The following SLC24A2 variants were observed in gnomAD, a reference collection of about 807,000 sequenced individuals.
The protein encoded by SLC24A2 is sodium/potassium/calcium exchanger 2.
A neutral mutation model predicts 62.0 loss-of-function variants in SLC24A2; 36 were observed. That is an observed-to-expected ratio of 0.58 (90% CI 0.44 to 0.77). SLC24A2 has a LOEUF of 0.77. SLC24A2 is among the 30% of genes least tolerant of loss of function. SLC24A2 has a pLI of 0.00. For synonymous variants in SLC24A2, 358 were observed against 294.0 expected, an observed-to-expected ratio of 1.22 and a Z score of -2.23; for missense variants, 846 against 817.9, an observed-to-expected ratio of 1.03 and a Z score of -0.42.
intron 2 of SLC24A2, among the ~76,000 whole-genome samples, chr9:19,648,308 A>G (rs1173543086): frequency 6.6e-6 from 1 of 152,234 alleles, no homozygotes; most frequent in Non-Finnish European, 1.5e-5. Flanking sequence ...AGAATAATAC[A>G]GTTCAAAAAG....
At chr9:19,835,638 T>C in the SLC24A2 span, among the ~76,000 whole-genome samples, 3 of 151,960 alleles carry the variant, frequency 2.0e-5, no homozygotes, top group Admixed American at 2.0e-4. Context: ...GAGACTTTAA[T>C]ACCCCACTGT....
chr9:20,269,111 T>C, the SLC24A2 span, among the ~76,000 whole-genome samples: 1 of 152,206 alleles, frequency 6.6e-6, no homozygotes, highest in African/African-American at 2.4e-5. Flanking sequence ...GGGGAGTTAC[T>C]TGTTTTTTGC....
rs543915925 is a variant in SLC24A2, at chr9:19,760,674, T to C, written c.930+25263A>G. The stretch of plus-strand genomic sequence containing the variant: ...AAATGATGGTTTCCAGCGTCATCTA[T>C]GTCCCTGCAAAGGACATTAAGTCAG... On this transcript the variant is annotated intron_variant, in intron 2 of 10. Coordinates refer to ENST00000341998, the MANE Select transcript of SLC24A2 (RefSeq NM_020344.4). Among the ~76,000 whole-genome samples the C allele has an allele frequency of 3.5e-4, 54 of 152,262 alleles. 1 individual carries two copies. In the South Asian group the frequency reaches 0.01, roughly 29 times the overall value.
the SLC24A2 span, among the ~76,000 whole-genome samples, chr9:20,277,061 C>A: frequency 6.6e-6 from 1 of 152,210 alleles, no homozygotes; most frequent in South Asian, 2.1e-4. Flanking sequence ...CATGTGGCTC[C>A]TCATTACCTT....
chr9:20,187,142 G>A, the SLC24A2 span, among the ~76,000 whole-genome samples: 2 of 152,126 alleles, frequency 1.3e-5, no homozygotes, highest in Non-Finnish European at 1.5e-5. Context: ...ATGCACCCAG[G>A]CTTATTTCCA....
chr9:20,262,808 C>T, the SLC24A2 span, among the ~76,000 whole-genome samples: 4 of 152,188 alleles, frequency 2.6e-5, no homozygotes, highest in Admixed American at 2.0e-4. Context: ...CCCCTCGTCA[C>T]GCCCTCCTAG....
the SLC24A2 span, among the ~76,000 whole-genome samples, chr9:20,272,867 G>A: frequency 6.6e-6 from 1 of 152,102 alleles, no homozygotes; most frequent in East Asian, 1.9e-4. Flanking sequence ...CAGCACTAGG[G>A]GATTCCCCAA....
chr9:20,291,038 CA>C, the SLC24A2 span, among the ~76,000 whole-genome samples: 3 of 152,186 alleles, frequency 2.0e-5, no homozygotes, highest in African/African-American at 7.2e-5. Context: ...CCCTCTTGAC[CA>C]GGGGTCCTTG....
rs1301664323 is a variant in SLC24A2 at position 19,514,846 on chromosome 9, C to T, written c.*1307G>A. On this transcript the variant is annotated 3_prime_UTR_variant, in exon 11 of 11. Coordinates refer to ENST00000341998, the MANE Select transcript of SLC24A2 (RefSeq NM_020344.4). ...CTGGGGTGCACTGAGTGTGCAAATG[C>T]CTTTCCAAGCATCGCTAAGTTGCCT... is the stretch of plus-strand genomic sequence containing the variant. The T allele has an allele frequency of 6.6e-6, 1 of 152,214 alleles. No individual in the cohort carries two copies. Among genetic ancestry groups the T allele is most frequent in the Non-Finnish European group, 1.5e-5 (1 of 68,054 alleles). 9.4% of individuals were successfully genotyped at this position (152,214 alleles called of 1,614,324 possible). A position where few individuals can be genotyped will look rare whatever the true frequency, so the allele number is the denominator to read the frequency against.
the SLC24A2 span, among the ~76,000 whole-genome samples, chr9:20,112,144 G>T: frequency 2.0e-5 from 3 of 152,076 alleles, no homozygotes; most frequent in African/African-American, 4.8e-5. Context: ...TATTCATATT[G>T]ATTTTTCTAT....
At chr9:20,302,215 C>A in the SLC24A2 span, among the ~76,000 whole-genome samples, 1 of 152,156 alleles carries the variant, frequency 6.6e-6, no homozygotes, top group African/African-American at 2.4e-5. Context: ...GGTTTTTGTA[C>A]AATTTTCAGC....
chr9:19,651,621 C>T (rs1339134320), intron 2 of SLC24A2, among the ~76,000 whole-genome samples: 2 of 152,240 alleles, frequency 1.3e-5, no homozygotes, highest in Admixed American at 1.3e-4. Context: ...CTATGGGAAG[C>T]AAACTTTCAC....
the SLC24A2 span, among the ~76,000 whole-genome samples, chr9:20,183,623 G>T: frequency 6.6e-6 from 1 of 152,212 alleles, no homozygotes; most frequent in African/African-American, 2.4e-5. Flanking sequence ...ACAGATTCAT[G>T]CAGGATATGC....
the SLC24A2 span, among the ~76,000 whole-genome samples, chr9:20,005,279 C>A: frequency 1.3e-5 from 2 of 152,082 alleles, no homozygotes; most frequent in Non-Finnish European, 2.9e-5. Flanking sequence ...GAAATTATCC[C>A]ATAGCAAGAA....
At chr9:20,010,725 C>T in the SLC24A2 span, among the ~76,000 whole-genome samples, 15 of 151,742 alleles carry the variant, frequency 9.9e-5, no homozygotes, top group African/African-American at 3.6e-4. Context: ...TCGTCATTTA[C>T]ATTAGGTATA....
At chr9:19,894,845 C>T in the SLC24A2 span, among the ~76,000 whole-genome samples, 1 of 152,140 alleles carries the variant, frequency 6.6e-6, no homozygotes. Flanking sequence ...TGAGGAATGG[C>T]CTAAGAATGC....
chr9:20,036,534 C>T, the SLC24A2 span, among the ~76,000 whole-genome samples: 1 of 152,162 alleles, frequency 6.6e-6, no homozygotes, highest in Non-Finnish European at 1.5e-5. Context: ...CTGTTCTCTG[C>T]TTCTATGAGT....
chr9:20,168,888 A>C, the SLC24A2 span, among the ~76,000 whole-genome samples: 1 of 152,054 alleles, frequency 6.6e-6, no homozygotes, highest in South Asian at 2.1e-4. Context: ...GGATTCAAAC[A>C]GGCATTTGTT....
intron 2 of SLC24A2, among the ~76,000 whole-genome samples, chr9:19,770,305 T>C (rs546989424): frequency 2.7e-4 from 41 of 152,062 alleles, no homozygotes; most frequent in Non-Finnish European, 5.3e-4. Context: ...AAGATACTTC[T>C]GGATTAACGG....
Sources: allele counts gnomAD v4.1 joint callset (sites outside exome capture counted in the v4.1 genomes callset), GRCh38; gene constraint gnomAD v4.1.1; transcripts MANE v1.5; gene names NCBI Gene and HGNC (gene_info 2026-07-23, HGNC 2026-07-21).